ITPR2: variants seen among roughly 807,000 people sequenced by gnomAD.
ITPR2 encodes the protein inositol 1,4,5-trisphosphate-gated calcium channel ITPR2.
In ITPR2, 207 loss-of-function variants were observed where a neutral mutation model predicts 317.1. The ratio of observed to expected loss-of-function variants is 0.65; its 90% CI spans 0.58 to 0.73. ITPR2 has a LOEUF of 0.73. Among genes scored for constraint, ITPR2 ranks in the 30% least tolerant of loss-of-function variants. The pLI is 0.00. For missense variants in ITPR2, 2,613 were observed against 3,284.0 expected, an observed-to-expected ratio of 0.80 and a Z score of 4.99; for synonymous variants, 1,156 against 1,149.1, an observed-to-expected ratio of 1.01 and a Z score of -0.12.
chr12:26,657,623 T>A, intron 18 of ITPR2, 84 bp downstream of exon 18: 4 of 1,154,100 alleles, frequency 3.5e-6, no homozygotes, highest in Non-Finnish European at 5.0e-6. Context: ...TCTTCATAGA[T>A]ACCTAACTAG....
intron 22 of ITPR2, among the ~76,000 whole-genome samples, chr12:26,630,282 C>T (rs960195489): frequency 8.6e-5 from 13 of 151,454 alleles, no homozygotes; most frequent in African/African-American, 2.2e-4. Context: ...TTCTCTAATA[C>T]GCCTAATCAG....
chr12:26,453,118 T>A (rs1430313385), intron 45 of ITPR2, among the ~76,000 whole-genome samples: 3 of 151,498 alleles, frequency 2.0e-5, no homozygotes, highest in Non-Finnish European at 4.4e-5. Context: ...TAAAACAGGT[T>A]ATACCTTCTC....
rs766751073 is a variant in ITPR2, at chr12:26,339,466, C to T, written c.8037G>A (p.Lys2679=). 6.2e-7 allele frequency: 1 copy of T among 1,613,840 alleles called. No individual in the cohort carries two copies. Among genetic ancestry groups the T allele is most frequent in the Non-Finnish European group, 8.5e-7 (1 of 1,179,816 alleles). Residue 2679 remains lysine, a synonymous_variant, in exon 57 of 57, where the codon AAG becomes AAA. Coordinates refer to ENST00000381340, the MANE Select transcript of ITPR2 (RefSeq NM_002223.4). Reference sequence around the variant, plus strand: ...CGAGGAAGCCCAGTCTCTGCTTATTCTTCCTTTGTTCTGTCATCTGGGGGA... The same window carrying T: ...CGAGGAAGCCCAGTCTCTGCTTATTTTTCCTTTGTTCTGTCATCTGGGGGA... The part of the protein sequence containing the change: ...ELKEQMTEQR[K]NKQRLGFLGS...
chr12:26,800,225 CA>C (rs34869607), intron 1 of ITPR2, among the ~76,000 whole-genome samples: 118,964 of 150,686 alleles, frequency 0.79, 47,008 homozygotes, highest in East Asian at 0.95. Context: ...ACTTTCCATT[CA>C]AAAAAAAAAG....
At chr12:26,815,046 A>G (rs532544945) in intron 1 of ITPR2, among the ~76,000 whole-genome samples, 2 of 152,352 alleles carry the variant, frequency 1.3e-5, no homozygotes, top group African/African-American at 4.8e-5. Context: ...TTCTTAGCCA[A>G]TAGAATGGGA....
intron 52 of ITPR2, 69 bp downstream of exon 52, chr12:26,411,251 T>C (rs1565511567): frequency 1.0e-6 from 1 of 967,480 alleles, no homozygotes; most frequent in East Asian, 2.5e-5. Context: ...CCCTAAGAGG[T>C]AATAATATTT....
rs1939695671 is a variant in ITPR2, at chr12:26,387,321, T to C, written c.7857+113A>G. Reference sequence around the variant, plus strand: ...AGTGATTGACAGGCCTATTTAAATGTTAACAAAAAATGATTGCTACAATCT... The same window carrying C: ...AGTGATTGACAGGCCTATTTAAATGCTAACAAAAAATGATTGCTACAATCT... On this transcript the variant is annotated intron_variant, in intron 55 of 56. Coordinates refer to ENST00000381340, the MANE Select transcript of ITPR2 (RefSeq NM_002223.4). The C allele has an allele frequency of 5.9e-6, 6 of 1,019,038 alleles. No homozygotes were observed. The South Asian group carries it at 9.4e-5, about 16-fold the overall frequency. The allele number at this position is 1,019,038 out of a possible 1,614,324, so 63.1% of individuals were successfully genotyped here.
At chr12:26,655,352 C>T (rs1947345924) in intron 20 of ITPR2, among the ~76,000 whole-genome samples, 1 of 152,242 alleles carries the variant, frequency 6.6e-6, no homozygotes, top group Non-Finnish European at 1.5e-5. Flanking sequence ...TGGTGGCTCA[C>T]ACCTGTAATC....
chr12:26,780,061 G>A (rs1357272683), intron 2 of ITPR2, among the ~76,000 whole-genome samples: 1 of 152,140 alleles, frequency 6.6e-6, no homozygotes, highest in Admixed American at 6.5e-5. Context: ...TCTTTCCCCA[G>A]CCACCGCTGT....
intron 50 of ITPR2, among the ~76,000 whole-genome samples, chr12:26,417,104 G>T (rs1940742851): frequency 6.6e-6 from 1 of 151,502 alleles, no homozygotes; most frequent in Non-Finnish European, 1.5e-5. Flanking sequence ...GGTACAACAG[G>T]GAATATTCAA....
At chr12:26,365,783 T>C (rs1382013824) in intron 55 of ITPR2, among the ~76,000 whole-genome samples, 1 of 152,226 alleles carries the variant, frequency 6.6e-6, no homozygotes, top group Non-Finnish European at 1.5e-5. Flanking sequence ...GCAGCCAACG[T>C]GTTTAAACAC....
intron 34 of ITPR2, among the ~76,000 whole-genome samples, chr12:26,564,918 A>G (rs1277838407): frequency 2.0e-5 from 3 of 152,202 alleles, no homozygotes; most frequent in African/African-American, 7.2e-5. Context: ...TACAAATGTC[A>G]ATAGTATGGA....
At chr12:26,721,386 G>C (rs1355606546) in intron 5 of ITPR2, 4 of 555,462 alleles carry the variant, frequency 7.2e-6, no homozygotes, top group African/African-American at 1.9e-5. Context: ...GGAAAAATTA[G>C]ATTCACGATA....
At chr12:26,782,320 A>G (rs1041765786) in intron 2 of ITPR2, among the ~76,000 whole-genome samples, 2 of 152,034 alleles carry the variant, frequency 1.3e-5, no homozygotes, top group African/African-American at 2.4e-5. Context: ...GAGCCTAACC[A>G]TAAAACAAAC....
intron 23 of ITPR2, among the ~76,000 whole-genome samples, chr12:26,626,923 C>T (rs1242299555): frequency 6.6e-6 from 1 of 151,896 alleles, no homozygotes; most frequent in Non-Finnish European, 1.5e-5. Context: ...ACATACTTTT[C>T]AGCCTATAAT....
At chr12:26,435,951 T>C (rs995540896) in intron 48 of ITPR2, among the ~76,000 whole-genome samples, 2 of 152,172 alleles carry the variant, frequency 1.3e-5, no homozygotes, top group African/African-American at 4.8e-5. Flanking sequence ...AATGGGGTCA[T>C]AATAATTAGG....
intron 54 of ITPR2, among the ~76,000 whole-genome samples, chr12:26,394,244 G>T (rs1288630051): frequency 2.0e-5 from 3 of 152,180 alleles, no homozygotes; most frequent in African/African-American, 7.2e-5. Flanking sequence ...AACCAGTGTA[G>T]ACCTATGACT....
intron 10 of ITPR2, 41 bp downstream of exon 10, chr12:26,695,565 A>T (rs769434451): frequency 1.3e-6 from 2 of 1,536,336 alleles, no homozygotes; most frequent in Non-Finnish European, 1.8e-6. Flanking sequence ...AAATAATAAC[A>T]ATATGCTGAG....
At chr12:26,380,021 G>A (rs1939458432) in intron 55 of ITPR2, among the ~76,000 whole-genome samples, 1 of 152,154 alleles carries the variant, frequency 6.6e-6, no homozygotes, top group Non-Finnish European at 1.5e-5. Context: ...AACATCTCAG[G>A]TTCAGTGTCT....
Sources: allele counts gnomAD v4.1 joint callset (sites outside exome capture counted in the v4.1 genomes callset), GRCh38; gene constraint gnomAD v4.1.1; transcripts MANE v1.5; gene names NCBI Gene and HGNC (gene_info 2026-07-23, HGNC 2026-07-21).